Variants in PDGFC observed in about 807,000 individuals in gnomAD.
The protein encoded by PDGFC is platelet derived growth factor C, also known as platelet-derived growth factor C.
In PDGFC, 12 loss-of-function variants were observed where a neutral mutation model predicts 35.5. The ratio of observed to expected loss-of-function variants is 0.34; its 90% confidence interval spans 0.22 to 0.55. The LOEUF is 0.55. Among genes scored for constraint, PDGFC ranks in the 20% least tolerant of loss-of-function variants. The pLI, the probability that PDGFC is intolerant of heterozygous loss-of-function variation, is 0.91. For synonymous variants in PDGFC, 159 were observed against 148.8 expected, an observed-to-expected ratio of 1.07 and a Z score of -0.50; for missense variants, 322 against 412.4, an observed-to-expected ratio of 0.78 and a Z score of 1.90.
chr4:156,862,242 A>T (rs1729730293), intron 1 of PDGFC, among the ~76,000 whole-genome samples: 1 of 152,212 alleles, frequency 6.6e-6, no homozygotes, highest in Non-Finnish European at 1.5e-5. Flanking sequence ...ATAGAGCTGC[A>T]CAGAAGTGTT....
chr4:156,769,506 C>T (rs1353623253), intron 4 of PDGFC, among the ~76,000 whole-genome samples: 1 of 151,796 alleles, frequency 6.6e-6, no homozygotes, highest in East Asian at 1.9e-4. Flanking sequence ...AGGAAAGCAC[C>T]AAAGAAATCC....
chr4:156,802,817 A>G (rs1360585708), intron 3 of PDGFC, among the ~76,000 whole-genome samples: 1 of 152,126 alleles, frequency 6.6e-6, no homozygotes, highest in Non-Finnish European at 1.5e-5. Context: ...ATCAACTTTT[A>G]AGTGGCCAGC....
At chr4:156,925,136 T>C (rs769857489) in intron 1 of PDGFC, among the ~76,000 whole-genome samples, 4 of 152,142 alleles carry the variant, frequency 2.6e-5, no homozygotes, top group Non-Finnish European at 5.9e-5. Flanking sequence ...TGGAGCTCCA[T>C]GTGTTTTCAG....
rs372402798 is a variant in PDGFC, at chr4:156,863,941, G to A, written c.119-13525C>T. On this transcript the variant is annotated intron_variant, in intron 1 of 5. Coordinates refer to ENST00000502773, the MANE Select transcript of PDGFC (RefSeq NM_016205.3). ...ATTACTTAGTTTTTAAAGTATCTGC[G>A]CATAATTTAATTAATAAAATCACTT... 8.6e-5 allele frequency among the ~76,000 whole-genome samples: 13 copies of A among 151,946 alleles called. 1 individual carries two copies. The East Asian group carries it at 1.5e-3, about 18-fold the overall frequency.
At chr4:156,768,084 T>A in intron 4 of PDGFC, 94 bp from the exon 5 acceptor site, 1 of 773,476 alleles carries the variant, frequency 1.3e-6, no homozygotes, top group Non-Finnish European at 2.2e-6. Flanking sequence ...AAATCTTACG[T>A]TATTTCATGA....
At chr4:156,797,767 C>T (rs1006000778) in intron 3 of PDGFC, among the ~76,000 whole-genome samples, 4 of 152,108 alleles carry the variant, frequency 2.6e-5, no homozygotes, top group Non-Finnish European at 4.4e-5. Flanking sequence ...CACCTGCGAG[C>T]GGTTGAAGTA....
intron 2 of PDGFC, among the ~76,000 whole-genome samples, chr4:156,849,584 A>C (rs1372067583): frequency 2.0e-5 from 3 of 152,070 alleles, no homozygotes; most frequent in African/African-American, 4.8e-5. Context: ...TGTGACATAC[A>C]GTAGGTGGTC....
At chr4:156,859,766 T>C (rs1454599884) in intron 1 of PDGFC, among the ~76,000 whole-genome samples, 1 of 152,138 alleles carries the variant, frequency 6.6e-6, no homozygotes, top group East Asian at 1.9e-4. Flanking sequence ...TTGGATAGTT[T>C]GTGGGAAGAC....
intron 5 of PDGFC, among the ~76,000 whole-genome samples, chr4:156,765,041 C>T (rs1332505267): frequency 2.0e-5 from 3 of 152,122 alleles, no homozygotes; most frequent in Admixed American, 2.0e-4. Context: ...ATGCATATGC[C>T]AAGATGCATT....
chr4:156,942,468 C>T (rs572891421), intron 1 of PDGFC, among the ~76,000 whole-genome samples: 2 of 151,742 alleles, frequency 1.3e-5, no homozygotes, highest in Non-Finnish European at 1.5e-5. Flanking sequence ...TAAATAGATA[C>T]TTTTTTCTAG....
chr4:156,823,772 T>G (rs1262605795), intron 2 of PDGFC, among the ~76,000 whole-genome samples: 2 of 152,188 alleles, frequency 1.3e-5, no homozygotes, highest in African/African-American at 4.8e-5. Context: ...CGAAGAGATA[T>G]CTGCACTTCC....
chr4:156,824,305 T>C lies in PDGFC; in HGVS notation c.315-13288A>G, dbSNP rs1450777517. ...GTAAGCATATATATATATATATATA[T>C]ATATATATATATATATATATATACA... On this transcript the variant is annotated intron_variant, in intron 2 of 5. Transcript: ENST00000502773. Among the ~76,000 whole-genome samples the C allele has an allele frequency of 3.1e-3, 119 of 38,972 alleles. 1 individual carries two copies. The highest frequency in any genetic ancestry group is 0.012 in the African/African-American group (118 of 9,972). The allele number at this position is 38,972 out of a possible 152,430, so 25.6% of individuals were successfully genotyped here.
rs898359607 is a variant in PDGFC at position 156,892,107 on chromosome 4, C to T, written c.119-41691G>A. Among the ~76,000 whole-genome samples, 69 of 152,106 alleles carry T rather than the reference C, an allele frequency of 4.5e-4. 2 individuals are homozygous for T. Among genetic ancestry groups the T allele is most frequent in the Admixed American group, 4.5e-3 (69 of 15,264 alleles). On this transcript the variant is annotated intron_variant, in intron 1 of 5. Transcript: ENST00000502773. The stretch of plus-strand genomic sequence containing the variant: ...TGACTGGGTTCAAATGCTAGCTCTA[C>T]CAGCTATATAATCCGAATCAATTAA...
At chr4:156,893,632 C>CCGG (rs1730565532) in intron 1 of PDGFC, among the ~76,000 whole-genome samples, 1 of 151,362 alleles carries the variant, frequency 6.6e-6, no homozygotes, top group Non-Finnish European at 1.5e-5. Context: ...ACCACCATAC[C>CCGG]CAGCCTAAAC....
At chr4:156,924,158 G>T (rs1232347627) in intron 1 of PDGFC, among the ~76,000 whole-genome samples, 3 of 152,074 alleles carry the variant, frequency 2.0e-5, no homozygotes, top group Admixed American at 2.0e-4. Flanking sequence ...AACAATTTTT[G>T]CTCTCTGCAA....
intron 3 of PDGFC, among the ~76,000 whole-genome samples, chr4:156,804,890 G>A (rs1276143635): frequency 2.7e-5 from 4 of 150,858 alleles, no homozygotes; most frequent in Non-Finnish European, 5.9e-5. Context: ...CAAACCTCAA[G>A]GTTTCAATTA....
intron 1 of PDGFC, among the ~76,000 whole-genome samples, chr4:156,889,041 T>A (rs902273295): frequency 3.3e-5 from 5 of 152,176 alleles, no homozygotes; most frequent in Non-Finnish European, 7.4e-5. Flanking sequence ...ACGTCGTGTG[T>A]CTACTACCAC....
intron 1 of PDGFC, among the ~76,000 whole-genome samples, chr4:156,911,189 A>G (rs571849550): frequency 2.3e-4 from 35 of 152,264 alleles, no homozygotes; most frequent in African/African-American, 8.2e-4. Flanking sequence ...TTAATGAGTG[A>G]CATTCAATGA....
intron 1 of PDGFC, among the ~76,000 whole-genome samples, chr4:156,857,628 G>C (rs1321220665): frequency 1.3e-5 from 2 of 152,018 alleles, no homozygotes; most frequent in Non-Finnish European, 2.9e-5. Flanking sequence ...TTAATATAGC[G>C]AGCATCTTCT....
Sources: allele counts gnomAD v4.1 joint callset (sites outside exome capture counted in the v4.1 genomes callset), GRCh38; gene constraint gnomAD v4.1.1; transcripts MANE v1.5; gene names NCBI Gene and HGNC (gene_info 2026-07-23, HGNC 2026-07-21).